FRG1: variants seen among roughly 807,000 people sequenced by gnomAD.
FRG1 encodes protein FRG1.
Under a neutral mutation model 37.0 loss-of-function variants are expected in FRG1, and 19 were observed. The ratio of observed to expected loss-of-function variants is 0.51; its 90% CI spans 0.36 to 0.75. The LOEUF (loss-of-function observed/expected upper bound fraction) is 0.75, where lower values mean the gene tolerates loss of function less well. Among genes scored for constraint, FRG1 ranks in the 30% least tolerant of loss-of-function variants. The pLI, the probability that FRG1 is intolerant of heterozygous loss-of-function variation, is 0.00. For synonymous variants in FRG1, 73 were observed against 96.5 expected, an observed-to-expected ratio of 0.76 and a Z score of 1.43; for missense variants, 243 against 301.4, an observed-to-expected ratio of 0.81 and a Z score of 1.44.
Position 189,946,205 on chromosome 4 carries a change from C to T in FRG1, c.133+2933C>T, listed in dbSNP as rs1288060461. ...TCATTTATTTTAGATCGTTAATGAT[C>T]GTTTAGTACAGGTGTATTCAATCTT... On this transcript the variant is annotated intron_variant, in intron 2 of 8. Transcript: ENST00000226798. Among the ~76,000 whole-genome samples, 7 of 151,108 alleles carry T rather than the reference C, an allele frequency of 4.6e-5. No homozygotes were observed. The South Asian group carries it at 1.0e-3, about 22-fold the overall frequency.
chr4:189,960,150 A>G (rs1193907901), intron 6 of FRG1, among the ~76,000 whole-genome samples: 3 of 152,238 alleles, frequency 2.0e-5, no homozygotes, highest in Non-Finnish European at 4.4e-5. Context: ...CTTAGGAGAC[A>G]TGAGTCCTTA....
rs556163862 is a variant in FRG1, at chr4:189,941,091, C to T, written c.62+20C>T. 1.9e-6 allele frequency: 3 copies of T among 1,609,826 alleles called. No homozygotes were observed. The highest frequency in any genetic ancestry group is 2.2e-5 in the South Asian group (2 of 90,952). On this transcript the variant is annotated intron_variant, in intron 1 of 8. Transcript: ENST00000226798. ...GAAGAGGTGGGTCCTGCAGCTTGGG[C>T]GGGAGCCTCCTCCGTTCTTTTCGGA...
chr4:189,960,785 A>G lies in FRG1; in HGVS notation c.575A>G (p.Asp192Gly), dbSNP rs753957739. 1.7e-4 allele frequency: 280 copies of G among 1,609,132 alleles called. No individual in the cohort carries two copies. Among genetic ancestry groups the G allele is most frequent in the Non-Finnish European group, 2.3e-4 (271 of 1,178,658 alleles). Residue 192 changes from aspartate (D) to glycine (G), a missense_variant, in exon 7 of 9, where the codon GAT (aspartate) becomes GGT (glycine). Physicochemically the swap from Asp to Gly is moderately conservative, Grantham distance 94. Around this residue, in one of 2 missense-constraint regions of FRG1, gnomAD observed 133 missense variants for 199.3 expected, o/e 0.67. Coordinates refer to ENST00000226798, the MANE Select transcript of FRG1 (RefSeq NM_004477.3). ...SCAERETKKK[D>G]DIPEEDKGNV... The stretch of plus-strand genomic sequence containing the variant: ...GCTGAAAGAGAAACCAAGAAAAAAG[A>G]TGACATTCCAGAAGAAGACAAAGGA...
chr4:189,955,262 A>C, intron 5 of FRG1, 111 bp downstream of exon 5: 1 of 630,708 alleles, frequency 1.6e-6, no homozygotes, highest in African/African-American at 1.8e-5. Context: ...AGTGTAATAC[A>C]TTAAATAGGA....
At position 189,952,243 on chromosome 4, in the gene FRG1, C is replaced by T. The variant is rs566480950; in HGVS notation, c.215C>T (p.Ala72Val). Residue 72 changes from alanine to valine, a missense_variant, in exon 3 of 9, where the codon GCA (alanine) becomes GTA (valine). Transcript: ENST00000226798. ...IEMDKGTYIH[A>V]LDNGLFTLGA... ...ATGGATAAGGGAACCTATATACATG[C>T]ACTCGACAATGGTCTTTTTACCCTG... 3 of 1,610,264 alleles carry T rather than the reference C, an allele frequency of 1.9e-6. No individual in the cohort carries two copies. The Admixed American group carries it at 5.0e-5, about 27-fold the overall frequency.
intron 2 of FRG1, among the ~76,000 whole-genome samples, chr4:189,947,580 G>A (rs1448118296): frequency 6.6e-6 from 1 of 152,210 alleles, no homozygotes; most frequent in Non-Finnish European, 1.5e-5. Context: ...GGTATACTTA[G>A]TGAGTTCTCT....
intron 2 of FRG1, among the ~76,000 whole-genome samples, 179 bp downstream of exon 2, chr4:189,943,451 T>C (rs1736405074): frequency 6.6e-6 from 1 of 152,146 alleles, no homozygotes; most frequent in South Asian, 2.1e-4. Flanking sequence ...CTGATGCCTT[T>C]ACTTCATTAT....
intron 7 of FRG1, chr4:189,961,575 T>G: frequency 3.9e-6 from 1 of 257,572 alleles, no homozygotes; most frequent in Non-Finnish European, 7.5e-6. Context: ...GCTCGGCTAA[T>G]TTTTGTATTT....
rs148718668 is a variant in FRG1 at position 189,952,265 on chromosome 4, C to T, written c.237C>T (p.Thr79=). ...YIHALDNGLF[T]LGAPHKEVDE... ...ATGCACTCGACAATGGTCTTTTTACCCTGGGAGCTCCACACAAAGAAGGTT... is the reference window on the plus strand; with the variant it reads ...ATGCACTCGACAATGGTCTTTTTACTCTGGGAGCTCCACACAAAGAAGGTT... The change falls in exon 3 of 9, where the codon ACC becomes ACT. Residue 79 remains threonine, a synonymous_variant. Transcript: ENST00000226798. The T allele has an allele frequency of 5.9e-5, 95 of 1,610,792 alleles. No individual in the cohort carries two copies. The African/African-American group carries it at 1.1e-3, about 19-fold the overall frequency.
intron 6 of FRG1, 37 bp from the exon 7 acceptor site, chr4:189,960,711 A>G: frequency 1.3e-6 from 2 of 1,499,018 alleles, no homozygotes; most frequent in Non-Finnish European, 1.8e-6. Flanking sequence ...TGGAAGATAA[A>G]CATATAACCC....
At position 189,940,917 on chromosome 4, in the gene FRG1, C is replaced by A; in HGVS notation, c.-93C>A. 1 of 945,944 alleles carries A rather than the reference C, an allele frequency of 1.1e-6. No individual in the cohort carries two copies. The highest frequency in any genetic ancestry group is 1.7e-6 in the Non-Finnish European group (1 of 604,188). The allele number at this position is 945,944 out of a possible 1,614,324, so 58.6% of individuals were successfully genotyped here. A position where few individuals can be genotyped will look rare whatever the true frequency, so the allele number is the denominator to read the frequency against. ...CTGTCAGGGAGTGTTTATTTCGCGTCCGCTTCTGTTTCTCCGCGCCCCTGT... is the reference window on the plus strand; with the variant it reads ...CTGTCAGGGAGTGTTTATTTCGCGTACGCTTCTGTTTCTCCGCGCCCCTGT... On this transcript the variant is annotated 5_prime_UTR_variant, in exon 1 of 9. Transcript: ENST00000226798.
intron 5 of FRG1, among the ~76,000 whole-genome samples, chr4:189,955,422 T>A (rs890157050): frequency 6.6e-6 from 1 of 150,762 alleles, no homozygotes; most frequent in Non-Finnish European, 1.5e-5. Flanking sequence ...CAATTTTAGG[T>A]CTCAGAGTAG....
At chr4:189,955,310 A>G (rs1736937203) in intron 5 of FRG1, among the ~76,000 whole-genome samples, 159 bp downstream of exon 5, 1 of 152,256 alleles carries the variant, frequency 6.6e-6, no homozygotes, top group South Asian at 2.1e-4. Flanking sequence ...AAGAGATCTC[A>G]AAATATAGTG....
At chr4:189,959,486 C>A (rs1254879298) in intron 6 of FRG1, among the ~76,000 whole-genome samples, 2 of 152,178 alleles carry the variant, frequency 1.3e-5, no homozygotes, top group Non-Finnish European at 2.9e-5. Context: ...ACTCCAGAGG[C>A]CACTCTCAAT....
chr4:189,953,883 A>T (rs547177546), intron 4 of FRG1, among the ~76,000 whole-genome samples: 7 of 152,174 alleles, frequency 4.6e-5, no homozygotes, highest in Non-Finnish European at 8.8e-5. Flanking sequence ...AAACTGCTTT[A>T]CAATTATAAA....
intron 1 of FRG1, among the ~76,000 whole-genome samples, chr4:189,941,530 T>A (rs1349463503): frequency 3.3e-5 from 5 of 152,244 alleles, no homozygotes; most frequent in Admixed American, 1.3e-4. Flanking sequence ...ATATGGGCTT[T>A]AGGGATATGG....
chr4:189,950,172 T>C (rs144030418), intron 2 of FRG1, among the ~76,000 whole-genome samples: 3 of 152,260 alleles, frequency 2.0e-5, no homozygotes, highest in Admixed American at 6.5e-5. Flanking sequence ...ATTGGCCATT[T>C]GTATATCATC....
chr4:189,959,690 G>A (rs1737146686), intron 6 of FRG1, among the ~76,000 whole-genome samples: 2 of 152,202 alleles, frequency 1.3e-5, no homozygotes, highest in Non-Finnish European at 2.9e-5. Flanking sequence ...CTTATACAAA[G>A]ATACAAAGAT....
intron 1 of FRG1, chr4:189,941,897 T>C (rs1240805296): frequency 2.3e-6 from 1 of 438,554 alleles, no homozygotes; most frequent in Non-Finnish European, 4.6e-6. Flanking sequence ...ACAGAGGTTT[T>C]GATATTTTTA....
Sources: allele counts gnomAD v4.1 joint callset (sites outside exome capture counted in the v4.1 genomes callset), GRCh38; gene constraint gnomAD v4.1.1; regional missense constraint gnomAD v4.1.1; transcripts MANE v1.5; gene names NCBI Gene and HGNC (gene_info 2026-07-23, HGNC 2026-07-21).